Variants in SLC4A4 observed in about 807,000 individuals in gnomAD.
The protein encoded by SLC4A4 is solute carrier family 4 member 4, also known as electrogenic sodium bicarbonate cotransporter 1.
In SLC4A4, 27 loss-of-function variants were observed where a neutral mutation model predicts 111.5. That is an observed-to-expected ratio of 0.24 (90% CI 0.18 to 0.33). SLC4A4 has a LOEUF of 0.33. Among genes scored for constraint, SLC4A4 ranks in the 10% least tolerant of loss-of-function variants. SLC4A4 has a pLI of 1.00. For missense variants in SLC4A4, 909 were observed against 1,315.5 expected (o/e 0.69, Z 4.78); for synonymous variants, 443 against 463.4 (o/e 0.96, Z 0.57).
At chr4:71,169,982 G>A (rs758858826) in intron 2 of SLC4A4, among the ~76,000 whole-genome samples, 3 of 151,994 alleles carry the variant, frequency 2.0e-5, no homozygotes, top group Admixed American at 6.6e-5. Flanking sequence ...GTGCTCTACC[G>A]TCACCGATCT....
At chr4:71,179,048 A>G in intron 2 of SLC4A4, among the ~76,000 whole-genome samples, 1 of 152,254 alleles carries the variant, frequency 6.6e-6, no homozygotes, top group Non-Finnish European at 1.5e-5. Context: ...GGCTGGTTCA[A>G]CATATGCAAA....
At chr4:71,232,269 TTC>T (rs1719486135) in intron 1 of SLC4A4, among the ~76,000 whole-genome samples, 1 of 152,202 alleles carries the variant, frequency 6.6e-6, no homozygotes, top group Non-Finnish European at 1.5e-5. Context: ...CCAATCATTA[TTC>T]TCTCTCTCTA....
At chr4:71,508,446 A>G (rs1242246412) in intron 16 of SLC4A4, among the ~76,000 whole-genome samples, 2 of 152,130 alleles carry the variant, frequency 1.3e-5, no homozygotes, top group Middle Eastern at 3.2e-3. Flanking sequence ...CCATTAGAGA[A>G]TATTATCCCT....
chr4:71,351,113 A>G (rs1361684242), intron 5 of SLC4A4, among the ~76,000 whole-genome samples: 1 of 152,242 alleles, frequency 6.6e-6, no homozygotes, highest in Non-Finnish European at 1.5e-5. Context: ...TTCAACGCAC[A>G]AAGTACTAAC....
At chr4:71,249,205 A>G (rs1720887495) in intron 2 of SLC4A4, among the ~76,000 whole-genome samples, 1 of 152,088 alleles carries the variant, frequency 6.6e-6, no homozygotes, top group Admixed American at 6.6e-5. Flanking sequence ...CACATTTGTC[A>G]TTTGCTTGCA....
chr4:71,480,922 T>A (rs1412846507), intron 14 of SLC4A4, among the ~76,000 whole-genome samples: 1 of 151,718 alleles, frequency 6.6e-6, no homozygotes, highest in Non-Finnish European at 1.5e-5. Flanking sequence ...ATCACATAAA[T>A]CTTGAGAGAT....
At chr4:71,073,098 G>C (rs887903869) in intron 1 of SLC4A4, among the ~76,000 whole-genome samples, 4 of 152,028 alleles carry the variant, frequency 2.6e-5, no homozygotes, top group African/African-American at 9.7e-5. Context: ...GTTGTTGATT[G>C]TATTAATACA....
intron 3 of SLC4A4, among the ~76,000 whole-genome samples, chr4:71,322,567 A>G (rs1727198001): frequency 6.6e-6 from 1 of 151,902 alleles, no homozygotes; most frequent in African/African-American, 2.4e-5. Flanking sequence ...GACTTTAGAA[A>G]CCTCGGGGTA....
In SLC4A4 at chr4:71,353,564, T is replaced by C. The variant is rs140518603; in HGVS notation, c.551-3444T>C. On this transcript the variant is annotated intron_variant, in intron 5 of 25. Coordinates refer to ENST00000264485, the MANE Select transcript of SLC4A4 (RefSeq NM_001098484.3). ...CTTATTTCATCTAAATGACAGACAA[T>C]GGCACAGTAACTTGAGAAGTTATAG... Among the ~76,000 whole-genome samples the C allele has an allele frequency of 3.4e-3, 518 of 152,230 alleles. 10 individuals carry two copies. Among genetic ancestry groups the C allele is most frequent in the Admixed American group, 0.029 (444 of 15,294 alleles).
chr4:71,089,908 T>C (rs1395427770), intron 1 of SLC4A4, among the ~76,000 whole-genome samples: 19 of 121,994 alleles, frequency 1.6e-4, no homozygotes, highest in Admixed American at 1.9e-4. Context: ...GGAGAACCAC[T>C]ACTCTCTTCA....
chr4:71,253,230 C>T lies in SLC4A4; in HGVS notation c.74-1990C>T, dbSNP rs563839994. 2.0e-5 allele frequency among the ~76,000 whole-genome samples: 3 copies of T among 152,242 alleles called. No homozygotes were observed. The East Asian group carries it at 5.8e-4, about 29-fold the overall frequency. ...TTGATGGCTCACTCTCTGAACTGGC[C>T]TAACTCTTTCATTAGATTGACCATG... On this transcript the variant is annotated intron_variant, in intron 2 of 25. Coordinates refer to ENST00000264485, the MANE Select transcript of SLC4A4 (RefSeq NM_001098484.3).
intron 7 of SLC4A4, among the ~76,000 whole-genome samples, chr4:71,401,498 T>C (rs1234038133): frequency 2.6e-5 from 4 of 152,216 alleles, no homozygotes; most frequent in African/African-American, 9.6e-5. Flanking sequence ...TTCTATTTTG[T>C]TGCTATGGAG....
intron 1 of SLC4A4, among the ~76,000 whole-genome samples, chr4:71,213,863 C>T (rs1007215318): frequency 2.6e-5 from 4 of 152,158 alleles, no homozygotes; most frequent in Non-Finnish European, 5.9e-5. Context: ...TCACCAGGAA[C>T]GGAATCAGCT....
intron 3 of SLC4A4, among the ~76,000 whole-genome samples, chr4:71,290,737 G>A (rs1724278708): frequency 6.6e-6 from 1 of 152,156 alleles, no homozygotes; most frequent in African/African-American, 2.4e-5. Context: ...AAACCCATCA[G>A]GTGATTTTTA....
At chr4:71,261,847 A>G (rs569344009) in intron 3 of SLC4A4, among the ~76,000 whole-genome samples, 72 of 152,296 alleles carry the variant, frequency 4.7e-4, no homozygotes, top group African/African-American at 1.6e-3. Flanking sequence ...GTTGCTATTT[A>G]TAGTGACTTA....
intron 2 of SLC4A4, among the ~76,000 whole-genome samples, chr4:71,155,693 T>C (rs748824691): frequency 1.3e-5 from 2 of 152,040 alleles, no homozygotes; most frequent in Admixed American, 1.3e-4. Context: ...TGAACTCCCA[T>C]GTTCAAGTGA....
chr4:71,546,015 A>G (rs564113860), intron 18 of SLC4A4, among the ~76,000 whole-genome samples: 1 of 152,170 alleles, frequency 6.6e-6, no homozygotes, highest in South Asian at 2.1e-4. Flanking sequence ...TCCTCTATGG[A>G]GTGGGCATAT....
At chr4:71,390,322 C>T (rs781324236) in intron 6 of SLC4A4, among the ~76,000 whole-genome samples, 3 of 152,124 alleles carry the variant, frequency 2.0e-5, no homozygotes, top group Non-Finnish European at 4.4e-5. Flanking sequence ...ACTGAAGTAA[C>T]TTGAAATATG....
intron 18 of SLC4A4, among the ~76,000 whole-genome samples, chr4:71,542,011 G>C (rs886641457): frequency 6.6e-6 from 1 of 152,010 alleles, no homozygotes; most frequent in Non-Finnish European, 1.5e-5. Flanking sequence ...GAAGTGGCTT[G>C]TTTTTATGCA....
Sources: allele counts gnomAD v4.1 joint callset (sites outside exome capture counted in the v4.1 genomes callset), GRCh38; gene constraint gnomAD v4.1.1; transcripts MANE v1.5; gene names NCBI Gene and HGNC (gene_info 2026-07-23, HGNC 2026-07-21).